The following GRIK1 variants were observed in gnomAD, a reference collection of about 807,000 sequenced individuals.
GRIK1 encodes the protein glutamate receptor ionotropic, kainate 1.
GRIK1 carries 69 observed loss-of-function variants against 105.7 expected under a neutral mutation model. The observed-to-expected ratio is 0.65, with a 90% CI of 0.54 to 0.80. The LOEUF (loss-of-function observed/expected upper bound fraction) is 0.80, where lower values mean the gene tolerates loss of function less well. Among genes scored for constraint, GRIK1 ranks in the 30% least tolerant of loss-of-function variants. GRIK1 has a pLI of 0.00. For missense variants in GRIK1, 1,109 were observed against 1,167.3 expected (o/e 0.95, Z 0.73); for synonymous variants, 438 against 431.3 (o/e 1.02, Z -0.19).
chr21:29,631,242 C>A (rs1182083071), intron 7 of GRIK1, among the ~76,000 whole-genome samples: 1 of 152,108 alleles, frequency 6.6e-6, no homozygotes, highest in Non-Finnish European at 1.5e-5. Flanking sequence ...TAATTGTGTA[C>A]CCCCACATTT....
intron 1 of GRIK1, among the ~76,000 whole-genome samples, chr21:29,937,342 T>C (rs749131472): frequency 4.6e-5 from 7 of 152,246 alleles, no homozygotes; most frequent in Non-Finnish European, 1.0e-4. Flanking sequence ...AACACATTTG[T>C]ACTGCACATA....
intron 3 of GRIK1, among the ~76,000 whole-genome samples, chr21:29,685,035 T>TCTGC (rs1293360933): frequency 2.0e-5 from 3 of 152,188 alleles, no homozygotes; most frequent in South Asian, 4.1e-4. Context: ...TCCTTGTCTG[T>TCTGC]CTGCCTGCCT....
intron 1 of GRIK1, among the ~76,000 whole-genome samples, chr21:29,866,075 TTTTTC>T (rs1373037055): frequency 1.3e-5 from 2 of 152,132 alleles, no homozygotes; most frequent in Non-Finnish European, 2.9e-5. Context: ...TTACTTTTTT[TTTTTC>T]TTTTAAGATA....
At chr21:29,590,872 C>T (rs1245623620) in intron 10 of GRIK1, among the ~76,000 whole-genome samples, 6 of 152,120 alleles carry the variant, frequency 3.9e-5, no homozygotes, top group African/African-American at 1.4e-4. Flanking sequence ...TGGGAGGGGA[C>T]AGAGAGTGGG....
At chr21:29,683,756 T>C (rs2063426671) in intron 3 of GRIK1, among the ~76,000 whole-genome samples, 1 of 152,194 alleles carries the variant, frequency 6.6e-6, no homozygotes, top group South Asian at 2.1e-4. Flanking sequence ...TATGTACCCT[T>C]TAATCTAAAC....
intron 1 of GRIK1, among the ~76,000 whole-genome samples, chr21:29,930,551 T>C (rs1569227738): frequency 6.6e-6 from 1 of 152,204 alleles, no homozygotes; most frequent in Non-Finnish European, 1.5e-5. Context: ...AAGTAATCTG[T>C]GAAAATAGTT....
intron 1 of GRIK1, among the ~76,000 whole-genome samples, chr21:29,829,515 A>C (rs1375098353): frequency 6.6e-6 from 1 of 152,162 alleles, no homozygotes; most frequent in Admixed American, 6.6e-5. Flanking sequence ...ACATTTGTTG[A>C]ATTAATGTTT....
intron 3 of GRIK1, among the ~76,000 whole-genome samples, chr21:29,680,375 A>C (rs958630445): frequency 2.8e-4 from 43 of 152,110 alleles, no homozygotes; most frequent in African/African-American, 1.0e-3. Flanking sequence ...CTACATTAAA[A>C]ATGTTTCCAG....
At chr21:29,927,333 A>G (rs1297890940) in intron 1 of GRIK1, among the ~76,000 whole-genome samples, 1 of 150,830 alleles carries the variant, frequency 6.6e-6, no homozygotes, top group Non-Finnish European at 1.5e-5. Flanking sequence ...TATATAAACT[A>G]AAGGATAATT....
chr21:29,569,439 A>C (rs1224285545), intron 14 of GRIK1, among the ~76,000 whole-genome samples: 1 of 152,196 alleles, frequency 6.6e-6, no homozygotes, highest in Non-Finnish European at 1.5e-5. Context: ...GTTACTTGCC[A>C]AGGTCTACAT....
intron 3 of GRIK1, among the ~76,000 whole-genome samples, chr21:29,684,917 C>G (rs548087288): frequency 4.3e-4 from 66 of 152,294 alleles, no homozygotes; most frequent in African/African-American, 1.2e-3. Context: ...TACCTATTGT[C>G]TATCATCTAC....
chr21:29,692,283 T>A (rs2063598397), intron 2 of GRIK1, among the ~76,000 whole-genome samples: 1 of 152,196 alleles, frequency 6.6e-6, no homozygotes, highest in Non-Finnish European at 1.5e-5. Context: ...GTTGGCTTTC[T>A]ACAGTATTTG....
chr21:29,611,097 C>T lies in GRIK1; in HGVS notation c.1099-12160G>A, dbSNP rs183566451. ...AAAACTTGGAAATAAAACAAAAGAA[C>T]AACGACTGTATTTCGTTTCAAAGTC... On this transcript the variant is annotated intron_variant, in intron 7 of 17. Transcript: ENST00000327783. Among the ~76,000 whole-genome samples, 24 of 152,260 alleles carry T rather than the reference C, an allele frequency of 1.6e-4. No individual in the cohort carries two copies. In the East Asian group the frequency reaches 4.2e-3, roughly 27 times the overall value.
At chr21:29,632,421 C>A (rs1201482068) in intron 7 of GRIK1, among the ~76,000 whole-genome samples, 1 of 151,826 alleles carries the variant, frequency 6.6e-6, no homozygotes, top group African/African-American at 2.4e-5. Context: ...AATGAATGAA[C>A]TGGATAAATA....
At chr21:29,575,303 T>C (rs1000036462) in intron 14 of GRIK1, among the ~76,000 whole-genome samples, 14 of 151,722 alleles carry the variant, frequency 9.2e-5, no homozygotes, top group African/African-American at 3.4e-4. Flanking sequence ...ATAATAGACA[T>C]TGGAGACTCA....
intron 1 of GRIK1, among the ~76,000 whole-genome samples, chr21:29,815,388 G>C (rs148756242): frequency 6.6e-6 from 1 of 152,268 alleles, no homozygotes; most frequent in African/African-American, 2.4e-5. Flanking sequence ...TAAGCCCCCT[G>C]TAAAGTGCTT....
At chr21:29,856,598 T>A (rs184563592) in intron 1 of GRIK1, among the ~76,000 whole-genome samples, 2 of 152,318 alleles carry the variant, frequency 1.3e-5, no homozygotes, top group Admixed American at 1.3e-4. Context: ...TACCAGACAC[T>A]GTCTAAGCAC....
chr21:29,695,656 G>A (rs537506019), intron 1 of GRIK1, among the ~76,000 whole-genome samples: 11 of 152,154 alleles, frequency 7.2e-5, no homozygotes, highest in Non-Finnish European at 1.3e-4. Flanking sequence ...TGTATTTTTA[G>A]TAGATATGGA....
At chr21:29,582,718 G>A (rs2091049178) in intron 12 of GRIK1, among the ~76,000 whole-genome samples, 1 of 152,114 alleles carries the variant, frequency 6.6e-6, no homozygotes, top group South Asian at 2.1e-4. Flanking sequence ...GCTCAACGAA[G>A]TGATCTGCAA....
Sources: gnomAD v4.1 joint callset for allele counts (sites outside exome capture counted in the v4.1 genomes callset) on GRCh38, gnomAD v4.1.1 for gene constraint, MANE v1.5 for transcripts, NCBI Gene and HGNC (gene_info 2026-07-23, HGNC 2026-07-21) for gene names.